The following TAOK3 variants were observed in gnomAD, a reference collection of about 807,000 sequenced individuals.
TAOK3 encodes the protein serine/threonine-protein kinase TAO3.
Under a neutral mutation model 120.4 loss-of-function variants are expected in TAOK3, and 40 were observed. The ratio of observed to expected loss-of-function variants is 0.33; its 90% CI spans 0.26 to 0.43. TAOK3 has a LOEUF of 0.43. Among genes scored for constraint, TAOK3 ranks in the 20% least tolerant of loss-of-function variants. The pLI, the probability that TAOK3 is intolerant of heterozygous loss-of-function variation, is 1.00. For synonymous variants in TAOK3, 355 were observed against 387.5 expected (o/e 0.92, Z 0.99); for missense variants, 821 against 1,112.1 (o/e 0.74, Z 3.72).
intron 3 of TAOK3, chr12:118,246,055 G>A: frequency 2.3e-6 from 2 of 879,642 alleles, no homozygotes; most frequent in Non-Finnish European, 1.7e-6. Flanking sequence ...AATTATAAAA[G>A]AATTGCTTCT....
intron 1 of TAOK3, among the ~76,000 whole-genome samples, chr12:118,324,200 A>C (rs1237199519): frequency 1.3e-5 from 2 of 152,220 alleles, no homozygotes; most frequent in African/African-American, 4.8e-5. Flanking sequence ...GGAGAAAAAA[A>C]TCAGAAAAAC....
intron 3 of TAOK3, chr12:118,246,642 C>T: frequency 3.2e-6 from 5 of 1,567,882 alleles, no homozygotes; most frequent in Non-Finnish European, 3.4e-6. Flanking sequence ...GGTGACAGGC[C>T]GCTGCGGCTC....
intron 1 of TAOK3, among the ~76,000 whole-genome samples, chr12:118,267,516 G>C (rs1225185051): frequency 1.3e-5 from 2 of 151,356 alleles, no homozygotes; most frequent in African/African-American, 2.4e-5. Context: ...CGCCCGGCTG[G>C]AGTGATGATT....
At chr12:118,366,629 T>C (rs1224964339) in intron 1 of TAOK3, among the ~76,000 whole-genome samples, 4 of 152,172 alleles carry the variant, frequency 2.6e-5, no homozygotes, top group African/African-American at 7.2e-5. Context: ...TAATATAAAG[T>C]ATACAATGTG....
chr12:118,176,861 G>T (rs984971435), intron 16 of TAOK3, among the ~76,000 whole-genome samples: 3 of 151,854 alleles, frequency 2.0e-5, no homozygotes, highest in African/African-American at 7.3e-5. Flanking sequence ...CTGCCTCTTG[G>T]GTTCAGGTGA....
chr12:118,150,956 C>CTTTTTT lies in TAOK3; in HGVS notation c.*35_*40dup, dbSNP rs201481032. On this transcript the variant is annotated 3_prime_UTR_variant, in exon 21 of 21. Coordinates refer to ENST00000392533, the MANE Select transcript of TAOK3 (RefSeq NM_016281.4). ...CAGGGTCTGAATTTTTTTCTGTTTTCTTTTTTTTTTTTTTTTTTGTAAATG... is the reference window on the plus strand; with the variant it reads ...CAGGGTCTGAATTTTTTTCTGTTTTCTTTTTTTTTTTTTTTTTTTTTTTTGTAAATG... The CTTTTTT allele has an allele frequency of 1.3e-4, 162 of 1,255,788 alleles. 1 individual carries two copies. Among genetic ancestry groups the CTTTTTT allele is most frequent in the South Asian group, 5.6e-4 (35 of 62,018 alleles). The allele number at this position is 1,255,788 out of a possible 1,614,324, so 77.8% of individuals were successfully genotyped here.
chr12:118,334,878 G>A (rs1157313774), intron 1 of TAOK3, among the ~76,000 whole-genome samples: 10 of 137,132 alleles, frequency 7.3e-5, no homozygotes, highest in Admixed American at 1.6e-4. Context: ...GCAAGACTCC[G>A]TCTCCAAAAA....
chr12:118,165,509 A>G (rs2035520799), intron 17 of TAOK3, among the ~76,000 whole-genome samples: 1 of 152,240 alleles, frequency 6.6e-6, no homozygotes, highest in Non-Finnish European at 1.5e-5. Context: ...GAATACCTAC[A>G]TCCGAATTAC....
intron 14 of TAOK3, among the ~76,000 whole-genome samples, chr12:118,189,596 C>T (rs192303650): frequency 0.012 from 1,230 of 98,786 alleles, 14 homozygotes; most frequent in African/African-American, 0.042. Context: ...TTTTTTTTTT[C>T]CATGCCATAC....
rs144384190 is a variant in TAOK3 at position 118,173,083 on chromosome 12, T to G, written c.1696-423A>C. Among the ~76,000 whole-genome samples, 57 of 152,332 alleles carry G rather than the reference T, an allele frequency of 3.7e-4. No individual in the cohort carries two copies. The East Asian group carries it at 9.6e-3, about 26-fold the overall frequency. On this transcript the variant is annotated intron_variant, in intron 16 of 20. Transcript: ENST00000392533. Reference sequence around the variant, plus strand: ...TGTGATCACTGCTTTGAAGAGGACGTACTTGGCCCTAGAAGAATTTAATAG... The same window carrying G: ...TGTGATCACTGCTTTGAAGAGGACGGACTTGGCCCTAGAAGAATTTAATAG...
intron 1 of TAOK3, among the ~76,000 whole-genome samples, chr12:118,289,311 A>AG (rs2042384809): frequency 6.6e-6 from 1 of 151,434 alleles, no homozygotes. Flanking sequence ...AAAAAAAAAA[A>AG]AAAAAAGAAA....
chr12:118,210,826 C>T (rs923246236), intron 11 of TAOK3, among the ~76,000 whole-genome samples: 4 of 151,546 alleles, frequency 2.6e-5, no homozygotes, highest in African/African-American at 7.3e-5. Flanking sequence ...GTAACCTCCG[C>T]CTTCCGGCTT....
chr12:118,250,079 C>T (rs992639903), intron 3 of TAOK3, among the ~76,000 whole-genome samples: 41 of 151,912 alleles, frequency 2.7e-4, no homozygotes, highest in African/African-American at 9.2e-4. Context: ...TCCTTTAGTA[C>T]AGTTTCTTAC....
At chr12:118,336,102 C>T (rs937712949) in intron 1 of TAOK3, among the ~76,000 whole-genome samples, 8 of 152,214 alleles carry the variant, frequency 5.3e-5, no homozygotes, top group East Asian at 3.9e-4. Context: ...CTAAATCTGA[C>T]GTTTACATGG....
intron 9 of TAOK3, among the ~76,000 whole-genome samples, chr12:118,214,519 A>T (rs1288288907): frequency 6.6e-6 from 1 of 151,964 alleles, no homozygotes; most frequent in Admixed American, 6.5e-5. Flanking sequence ...ATATTCACTT[A>T]AAAAAGTCAG....
At position 118,270,968 on chromosome 12, in the gene TAOK3, C is replaced by T. The variant is rs1415680061; in HGVS notation, c.-193-4209G>A. Among the ~76,000 whole-genome samples, 7 of 152,174 alleles carry T rather than the reference C, an allele frequency of 4.6e-5. 1 individual carries two copies. The highest frequency in any genetic ancestry group is 3.9e-4 in the East Asian group (2 of 5,160). On this transcript the variant is annotated intron_variant, in intron 1 of 20. Transcript: ENST00000392533. ...CTGGGATTACAGGTGTGAGCCACCACGCCCGGCTAAATGTCACTTCTATAA... is the reference window on the plus strand; with the variant it reads ...CTGGGATTACAGGTGTGAGCCACCATGCCCGGCTAAATGTCACTTCTATAA...
chr12:118,262,421 G>C (rs2041269228), intron 2 of TAOK3, among the ~76,000 whole-genome samples: 1 of 152,046 alleles, frequency 6.6e-6, no homozygotes, highest in African/African-American at 2.4e-5. Flanking sequence ...GGTGGAGGTT[G>C]CAGTGAGCTG....
At chr12:118,304,011 C>T (rs2042965595) in intron 1 of TAOK3, among the ~76,000 whole-genome samples, 1 of 152,148 alleles carries the variant, frequency 6.6e-6, no homozygotes, top group African/African-American at 2.4e-5. Context: ...CTGGTCTTGC[C>T]CTTCCTTTTG....
At chr12:118,267,630 T>C (rs2041510048) in intron 1 of TAOK3, among the ~76,000 whole-genome samples, 1 of 150,610 alleles carries the variant, frequency 6.6e-6, no homozygotes, top group Admixed American at 6.6e-5. Flanking sequence ...CTCACGCCTG[T>C]AATCCCGGCA....
Sources: gnomAD v4.1 joint callset for allele counts (sites outside exome capture counted in the v4.1 genomes callset) on GRCh38, gnomAD v4.1.1 for gene constraint, MANE v1.5 for transcripts, NCBI Gene and HGNC (gene_info 2026-07-23, HGNC 2026-07-21) for gene names.